Variants in PDZD2 observed in about 807,000 individuals in gnomAD.
PDZD2 encodes the protein PDZ domain containing 2, also known as PDZ domain-containing protein 2.
A neutral mutation model predicts 220.7 loss-of-function variants in PDZD2; 90 were observed. The observed-to-expected ratio is 0.41, with a 90% CI of 0.34 to 0.49. The LOEUF is 0.49. Ranked by LOEUF, PDZD2 falls within the 20% of genes least tolerant of loss-of-function variation. PDZD2 has a pLI of 0.28. For synonymous variants in PDZD2, 1,375 were observed against 1,450.5 expected (o/e 0.95, Z 1.18); for missense variants, 3,174 against 3,608.5 (o/e 0.88, Z 3.08).
Position 31,824,780 on chromosome 5 carries a change from T to C in PDZD2, c.476+25056T>C, listed in dbSNP as rs140819167. Among the ~76,000 whole-genome samples the C allele has an allele frequency of 5.9e-5, 9 of 152,134 alleles. 1 individual carries two copies. In the East Asian group the frequency reaches 1.5e-3, roughly 26 times the overall value. On this transcript the variant is annotated intron_variant, in intron 2 of 24. Coordinates refer to ENST00000438447, the MANE Select transcript of PDZD2 (RefSeq NM_178140.4). Reference sequence around the variant, plus strand: ...CATTTTAAAATGGGAATAAAATGCGTTAGGAAAATTATGGAAAGATACACA... The same window carrying C: ...CATTTTAAAATGGGAATAAAATGCGCTAGGAAAATTATGGAAAGATACACA...
chr5:32,104,746 A>C lies in PDZD2; in HGVS notation c.8354-3223A>C, dbSNP rs924768102. Among the ~76,000 whole-genome samples, 9 of 133,984 alleles carry C rather than the reference A, an allele frequency of 6.7e-5. No homozygotes were observed. In the East Asian group the frequency reaches 1.1e-3, roughly 16 times the overall value. The allele number at this position is 133,984 out of a possible 152,430, so 87.9% of individuals were successfully genotyped here. ...AAAAAAAAAAAAAAAAAAAAAAAAA[A>C]CATATAAAATGTTCATTATATGGCA... On this transcript the variant is annotated intron_variant, in intron 24 of 24. Transcript: ENST00000438447.
chr5:31,764,099 C>T (rs552437631), intron 1 of PDZD2, among the ~76,000 whole-genome samples: 47 of 152,282 alleles, frequency 3.1e-4, no homozygotes, highest in African/African-American at 1.1e-3. Flanking sequence ...TCAGGAGGAA[C>T]TCGGGGACTC....
intron 2 of PDZD2, among the ~76,000 whole-genome samples, chr5:31,977,017 G>GT (rs199573652): frequency 0.019 from 2,848 of 147,122 alleles, 75 homozygotes; most frequent in African/African-American, 0.057. Flanking sequence ...CGCCTGGCCA[G>GT]TTTTGTTTTT....
rs141710930 is a variant in PDZD2 at position 32,072,264 on chromosome 5, C to T, written c.2672C>T (p.Pro891Leu). Residue 891 changes from proline to leucine, a missense_variant, in exon 17 of 25, where the codon CCG (proline) becomes CTG (leucine). Transcript: ENST00000438447. ...MVAGSEDEDH[P>L]GSGCSTSEEG... ...GCCGGTTCTGAGGACGAGGATCACC[C>T]GGGAAGTGGCTGCAGCACGTCGGAG... 2.6e-5 allele frequency: 42 copies of T among 1,614,076 alleles called. No individual in the cohort carries two copies. Among genetic ancestry groups the T allele is most frequent in the Middle Eastern group, 1.6e-4 (1 of 6,062 alleles).
intron 1 of PDZD2, among the ~76,000 whole-genome samples, chr5:31,729,199 A>T (rs1175578977): frequency 7.0e-6 from 1 of 143,340 alleles, no homozygotes; most frequent in Non-Finnish European, 1.5e-5. Flanking sequence ...CGCCTCCTGG[A>T]TTCAGGCAGT....
chr5:31,767,791 C>A (rs1196894670), intron 1 of PDZD2, among the ~76,000 whole-genome samples: 1 of 152,204 alleles, frequency 6.6e-6, no homozygotes, highest in Non-Finnish European at 1.5e-5. Flanking sequence ...AGGTTCCTGG[C>A]CTGTCCCTAG....
chr5:32,082,010 G>A lies in PDZD2; in HGVS notation c.3682+4404G>A, dbSNP rs551699422. On this transcript the variant is annotated intron_variant, in intron 19 of 24. Transcript: ENST00000438447. ...TGGGATTACAGGCGTGAGCCACCGC[G>A]CCTGGCATATCTTTGTTTTTTTTTT... is the stretch of plus-strand genomic sequence containing the variant. Among the ~76,000 whole-genome samples the A allele has an allele frequency of 4.0e-5, 6 of 148,166 alleles. No homozygotes were observed. In the South Asian group the frequency reaches 8.8e-4, roughly 22 times the overall value.
chr5:31,853,968 A>C (rs1241347993), intron 2 of PDZD2, among the ~76,000 whole-genome samples: 1 of 152,098 alleles, frequency 6.6e-6, no homozygotes, highest in African/African-American at 2.4e-5. Context: ...AAGCCAGGTG[A>C]AATGTGTTTT....
At chr5:31,996,702 C>T (rs1399637037) in intron 4 of PDZD2, among the ~76,000 whole-genome samples, 5 of 152,102 alleles carry the variant, frequency 3.3e-5, no homozygotes, top group Non-Finnish European at 5.9e-5. Flanking sequence ...AGTGAGACTT[C>T]GTCTCGATTA....
At chr5:32,061,671 G>A (rs1246846879) in intron 14 of PDZD2, among the ~76,000 whole-genome samples, 1 of 152,144 alleles carries the variant, frequency 6.6e-6, no homozygotes, top group Non-Finnish European at 1.5e-5. Flanking sequence ...CTAGCACTTT[G>A]GGAGGCCGAA....
At chr5:31,820,542 A>T (rs1755775129) in intron 2 of PDZD2, 1 of 151,592 alleles carries the variant, frequency 6.6e-6, no homozygotes, top group Non-Finnish European at 1.5e-5. Flanking sequence ...ATTTTTTTTT[A>T]ACTTTTTTTT....
chr5:31,900,715 C>T (rs781674782), intron 2 of PDZD2, among the ~76,000 whole-genome samples: 15 of 152,234 alleles, frequency 9.9e-5, no homozygotes, highest in Non-Finnish European at 1.9e-4. Flanking sequence ...GAAAAATATG[C>T]GAGCCTCCAG....
Position 32,069,633 on chromosome 5 carries a change from A to T in PDZD2, c.2516A>T (p.Asn839Ile). 3 of 1,549,720 alleles carry T rather than the reference A, an allele frequency of 1.9e-6. No individual in the cohort carries two copies. In the South Asian group the frequency reaches 3.3e-5, roughly 17 times the overall value. ...RSTYQESKEA[N>I]SSPGLGTPLK... The stretch of plus-strand genomic sequence containing the variant: ...ACTTATCAGGAGAGCAAAGAGGCCA[A>T]TTCCTCTCCTGGCTTAGGTACTGTA... Residue 839 changes from asparagine (N) to isoleucine (I), a missense_variant, in exon 15 of 25, where the codon AAT becomes ATT. By Grantham distance (149) the Asn-to-Ile change is moderately radical (BLOSUM62 -3). Around this residue, in one of 4 missense-constraint regions of PDZD2, gnomAD observed 1,861 missense variants for 2,001.0 expected, o/e 0.93. Transcript: ENST00000438447.
At chr5:31,841,172 G>T (rs1193856585) in intron 2 of PDZD2, among the ~76,000 whole-genome samples, 2 of 151,486 alleles carry the variant, frequency 1.3e-5, no homozygotes, top group Non-Finnish European at 2.9e-5. Flanking sequence ...CTAATATCTG[G>T]TCTATTTTGT....
intron 1 of PDZD2, among the ~76,000 whole-genome samples, chr5:31,793,211 G>A (rs1457765633): frequency 7.3e-6 from 1 of 136,178 alleles, no homozygotes; most frequent in African/African-American, 2.7e-5. Context: ...TGATAAAATA[G>A]GGCCAGACAT....
intron 1 of PDZD2, among the ~76,000 whole-genome samples, chr5:31,760,508 G>A (rs553136): frequency 0.045 from 6,840 of 152,238 alleles, 524 homozygotes; most frequent in East Asian, 0.39. Context: ...TTCAAAGAAT[G>A]GTATGGGTGT....
Position 32,000,905 on chromosome 5 carries a change from C to T in PDZD2, c.1254+634C>T, listed in dbSNP as rs1363727755. Among the ~76,000 whole-genome samples the T allele has an allele frequency of 6.6e-6, 1 of 152,220 alleles. No individual in the cohort carries two copies. Among genetic ancestry groups the T allele is most frequent in the Non-Finnish European group, 1.5e-5 (1 of 68,040 alleles). ...CCATGGCCTGTTAGGAGCTGGGCTG[C>T]GCAGCAGTAGGTGAGTGGCCTGTGA... On this transcript the variant is annotated intron_variant, in intron 5 of 24. Coordinates refer to ENST00000438447, the MANE Select transcript of PDZD2 (RefSeq NM_178140.4). The surrounding 1 kb of genome is among the most constrained non-coding windows in gnomAD (Gnocchi z 4.5).
intron 2 of PDZD2, among the ~76,000 whole-genome samples, chr5:31,926,526 G>A (rs1232846275): frequency 3.9e-4 from 33 of 83,986 alleles, no homozygotes; most frequent in Non-Finnish European, 4.0e-4. Context: ...AACTGCATCT[G>A]AAAAAAAAAA....
chr5:32,048,055 C>A (rs1320208351), intron 7 of PDZD2, among the ~76,000 whole-genome samples: 1 of 152,112 alleles, frequency 6.6e-6, no homozygotes. Flanking sequence ...TATGAAATTT[C>A]ATTGAACTGT....
Sources: gnomAD v4.1 joint callset for allele counts (sites outside exome capture counted in the v4.1 genomes callset) on GRCh38, gnomAD v4.1.1 for gene constraint, gnomAD v4.1.1 regional missense constraint, Gnocchi (gnomAD v3.1) non-coding constraint, MANE v1.5 for transcripts, NCBI Gene and HGNC (gene_info 2026-07-23, HGNC 2026-07-21) for gene names.